MAF: variants seen among roughly 807,000 people sequenced by gnomAD.
MAF encodes the protein transcription factor Maf.
Under a neutral mutation model 22.0 loss-of-function variants are expected in MAF, and 10 were observed. The ratio of observed to expected loss-of-function variants is 0.45; its 90% CI spans 0.28 to 0.77. The LOEUF (loss-of-function observed/expected upper bound fraction) is 0.77. Among genes scored for constraint, MAF ranks in the 30% least tolerant of loss-of-function variants. The pLI, the probability that MAF is intolerant of heterozygous loss-of-function variation, is 0.12. For synonymous variants in MAF, 337 were observed against 255.8 expected (o/e 1.32, Z -3.03); for missense variants, 544 against 548.4 (o/e 0.99, Z 0.08).
chr16:79,373,290 G>A, the MAF span, among the ~76,000 whole-genome samples: 1 of 146,850 alleles, frequency 6.8e-6, no homozygotes, highest in African/African-American at 2.5e-5. Flanking sequence ...GGTTCAAGAG[G>A]GCTCTGTCCT....
the MAF span, among the ~76,000 whole-genome samples, chr16:79,394,238 G>A: frequency 4.9e-4 from 74 of 152,140 alleles, no homozygotes; most frequent in Non-Finnish European, 8.7e-4. Flanking sequence ...ATTCAGTCTG[G>A]GGCAGAAAAC....
chr16:79,458,526 A>G, the MAF span, among the ~76,000 whole-genome samples: 1 of 152,232 alleles, frequency 6.6e-6, no homozygotes, highest in Non-Finnish European at 1.5e-5. Context: ...ACAGATGCCA[A>G]CTTGACTTAA....
chr16:79,273,826 T>C, the MAF span, among the ~76,000 whole-genome samples: 7 of 152,326 alleles, frequency 4.6e-5, no homozygotes, highest in Admixed American at 3.9e-4. Flanking sequence ...GCAATTCCCA[T>C]GTAATATAGC....
chr16:79,411,096 A>G, the MAF span, among the ~76,000 whole-genome samples: 1 of 152,020 alleles, frequency 6.6e-6, no homozygotes, highest in South Asian at 2.1e-4. Flanking sequence ...TTTATTCACC[A>G]ACTCCTCCCT....
At chr16:79,252,054 G>A in the MAF span, among the ~76,000 whole-genome samples, 1 of 152,218 alleles carries the variant, frequency 6.6e-6, no homozygotes, top group Non-Finnish European at 1.5e-5. Context: ...GGTCTATGCC[G>A]TCCCGGCCTG....
At chr16:79,586,019 G>A (rs1912816717) in intron 1 of MAF, 1 of 616,128 alleles carries the variant, frequency 1.6e-6, no homozygotes, top group Non-Finnish European at 2.8e-6. Context: ...GTATGCTACA[G>A]GCAGCCTAAC....
the MAF span, among the ~76,000 whole-genome samples, chr16:79,465,363 C>T: frequency 2.1e-4 from 32 of 152,204 alleles, no homozygotes; most frequent in South Asian, 5.6e-3. Context: ...GAGGCTGAGG[C>T]GGGCAGATCG....
the MAF span, among the ~76,000 whole-genome samples, chr16:79,220,395 A>G: frequency 4.6e-5 from 7 of 151,992 alleles, no homozygotes; most frequent in Non-Finnish European, 7.4e-5. Flanking sequence ...TACATTTTTT[A>G]TGCATTAGAA....
chr16:79,401,800 C>A, the MAF span, among the ~76,000 whole-genome samples: 1 of 152,154 alleles, frequency 6.6e-6, no homozygotes, highest in East Asian at 1.9e-4. Flanking sequence ...ACAAGAGCTG[C>A]TGAGATGACA....
chr16:79,594,938 A>T, intron 1 of MAF: 2 of 1,123,484 alleles, frequency 1.8e-6, no homozygotes, highest in African/African-American at 3.2e-5. Context: ...GCTTAATTCT[A>T]CACAACTATA....
chr16:79,208,090 G>A, the MAF span, among the ~76,000 whole-genome samples: 4 of 152,168 alleles, frequency 2.6e-5, no homozygotes, highest in East Asian at 1.9e-4. Context: ...AGAGAATGAT[G>A]AATCCTTATT....
At chr16:79,323,133 C>T in the MAF span, among the ~76,000 whole-genome samples, 5 of 114,566 alleles carry the variant, frequency 4.4e-5, no homozygotes, top group East Asian at 5.4e-4. Context: ...TGGGTGACAG[C>T]GCGAGACTCC....
the MAF span, among the ~76,000 whole-genome samples, chr16:79,466,161 C>T: frequency 6.6e-6 from 1 of 152,150 alleles, no homozygotes; most frequent in East Asian, 1.9e-4. Flanking sequence ...ACTGATGAAA[C>T]ACAGGGTTAC....
At chr16:79,384,818 G>A in the MAF span, among the ~76,000 whole-genome samples, 5 of 152,260 alleles carry the variant, frequency 3.3e-5, no homozygotes, top group East Asian at 9.6e-4. Flanking sequence ...GGGAAGTGAA[G>A]ATTCAGAAGT....
At chr16:79,215,386 T>C in the MAF span, among the ~76,000 whole-genome samples, 1 of 152,200 alleles carries the variant, frequency 6.6e-6, no homozygotes, top group Non-Finnish European at 1.5e-5. Context: ...AATCTTAGGC[T>C]GATCAGAGAG....
At chr16:79,597,409 T>C in intron 1 of MAF, 1 of 1,031,238 alleles carries the variant, frequency 9.7e-7, no homozygotes, top group East Asian at 6.1e-5. Context: ...CAGTTTCTCT[T>C]TTTAAAAAAT....
chr16:79,417,501 T>C, the MAF span, among the ~76,000 whole-genome samples: 2 of 152,116 alleles, frequency 1.3e-5, no homozygotes, highest in African/African-American at 4.8e-5. Flanking sequence ...TGTGCGATGT[T>C]ATTATGGGCT....
the MAF span, among the ~76,000 whole-genome samples, chr16:79,278,899 G>T: frequency 1.3e-5 from 2 of 152,196 alleles, no homozygotes; most frequent in Non-Finnish European, 2.9e-5. Context: ...AAAGTAGGTG[G>T]TGTACCAGGT....
the MAF span, among the ~76,000 whole-genome samples, chr16:79,403,991 C>A: frequency 6.6e-5 from 10 of 152,026 alleles, no homozygotes; most frequent in African/African-American, 2.2e-4. Flanking sequence ...AACTCACCTC[C>A]GTCCATGCAG....
Sources: allele counts gnomAD v4.1 joint callset (sites outside exome capture counted in the v4.1 genomes callset), GRCh38; gene constraint gnomAD v4.1.1; transcripts MANE v1.5; gene names NCBI Gene and HGNC (gene_info 2026-07-23, HGNC 2026-07-21).